EGFR: variants seen among roughly 807,000 people sequenced by gnomAD.
EGFR encodes the protein epidermal growth factor receptor, also known as avian erythroblastic leukemia viral (v-erb-b) oncogene homolog.
A neutral mutation model predicts 143.0 loss-of-function variants in EGFR; 58 were observed. The ratio of observed to expected loss-of-function variants is 0.41; its 90% CI spans 0.33 to 0.50. The LOEUF is 0.50. Among genes scored for constraint, EGFR ranks in the 20% least tolerant of loss-of-function variants. EGFR has a pLI of 0.39. For missense variants in EGFR, 1,307 were observed against 1,579.0 expected, an observed-to-expected ratio of 0.83 and a Z score of 2.92; for synonymous variants, 613 against 594.4, an observed-to-expected ratio of 1.03 and a Z score of -0.45.
chr7:55,110,088 A>T (rs2128907162), intron 1 of EGFR: 1 of 390,060 alleles, frequency 2.6e-6, no homozygotes, highest in East Asian at 1.6e-4. Flanking sequence ...GGAGATTCCT[A>T]GGAATCTTAT....
At chr7:55,184,509 A>T (rs2128960598) in intron 20 of EGFR, among the ~76,000 whole-genome samples, 1 of 152,350 alleles carries the variant, frequency 6.6e-6, no homozygotes, top group South Asian at 2.1e-4. Flanking sequence ...AATAGTGTCC[A>T]TTACAGAGAA....
At chr7:55,188,246 C>T (rs1787229180) in intron 20 of EGFR, among the ~76,000 whole-genome samples, 1 of 152,198 alleles carries the variant, frequency 6.6e-6, no homozygotes, top group African/African-American at 2.4e-5. Flanking sequence ...GCTCCATGAG[C>T]TCTTCCACAG....
At chr7:55,081,233 T>A (rs1462808867) in intron 1 of EGFR, among the ~76,000 whole-genome samples, 1 of 152,212 alleles carries the variant, frequency 6.6e-6, no homozygotes, top group Non-Finnish European at 1.5e-5. Context: ...CAATTATCAA[T>A]CATGGACTTT....
intron 1 of EGFR, among the ~76,000 whole-genome samples, chr7:55,087,292 A>AAT (rs1554327602): frequency 6.6e-6 from 1 of 151,652 alleles, no homozygotes; most frequent in African/African-American, 2.4e-5. Flanking sequence ...AACAAAAAAA[A>AAT]AAAAACCTGT....
intron 1 of EGFR, among the ~76,000 whole-genome samples, chr7:55,116,118 G>A (rs1269735412): frequency 6.6e-6 from 1 of 152,146 alleles, no homozygotes; most frequent in Non-Finnish European, 1.5e-5. Flanking sequence ...GCTGGGAATC[G>A]AAAGATTCTC....
At chr7:55,197,937 C>G (rs1787686411) in intron 22 of EGFR, among the ~76,000 whole-genome samples, 2 of 152,176 alleles carry the variant, frequency 1.3e-5, no homozygotes, top group African/African-American at 2.4e-5. Flanking sequence ...CTATGTTCAT[C>G]AGAGATATTG....
At chr7:55,088,852 C>A (rs1328591354) in intron 1 of EGFR, among the ~76,000 whole-genome samples, 1 of 152,212 alleles carries the variant, frequency 6.6e-6, no homozygotes. Flanking sequence ...TGCCTCATCT[C>A]CCACGCCCTC....
chr7:55,136,529 A>T (rs1794152957), intron 1 of EGFR, among the ~76,000 whole-genome samples: 1 of 152,198 alleles, frequency 6.6e-6, no homozygotes, highest in Admixed American at 6.5e-5. Flanking sequence ...TGCATTTCAT[A>T]CCAGTAGGTC....
At position 55,019,334 on chromosome 7, in the gene EGFR, C is replaced by G; in HGVS notation, c.57C>G (p.Cys19Trp). Residue 19 changes from cysteine to tryptophan, a missense_variant, in exon 1 of 28, where the codon TGC (cysteine) becomes TGG (tryptophan). Coordinates refer to ENST00000275493, the MANE Select transcript of EGFR (RefSeq NM_005228.5). ...TCCTGGCGCTGCTGGCTGCGCTCTGCCCGGCGAGTCGGGCTCTGGAGGAAA... is the reference window on the plus strand; with the variant it reads ...TCCTGGCGCTGCTGGCTGCGCTCTGGCCGGCGAGTCGGGCTCTGGAGGAAA... ...AALLALLAAL[C>W]PASRALEEKK... 1 of 1,519,588 alleles carries G rather than the reference C, an allele frequency of 6.6e-7. No individual in the cohort carries two copies. The highest frequency in any genetic ancestry group is 8.9e-7 in the Non-Finnish European group (1 of 1,129,354). The allele number at this position is 1,519,588 out of a possible 1,614,324, so 94.1% of individuals were successfully genotyped here. A position where few individuals can be genotyped will look rare whatever the true frequency, so the allele number is the denominator to read the frequency against.
chr7:55,171,297 G>C lies in EGFR; in HGVS notation c.1919+84G>C, dbSNP rs2128951536. On this transcript the variant is annotated intron_variant, in intron 16 of 27. Transcript: ENST00000275493. ...GGTGAAGATGCTTTCCTGCATTTCT[G>C]ACTGTCCTCTGTCCTGATCAAGTTT... is the stretch of plus-strand genomic sequence containing the variant. 5 of 1,569,626 alleles carry C rather than the reference G, an allele frequency of 3.2e-6. No homozygotes were observed. The South Asian group carries it at 5.6e-5, about 17-fold the overall frequency.
rs371327565 is a variant in EGFR at position 55,183,558 on chromosome 7, G to C, written c.2469+2080G>C. On this transcript the variant is annotated intron_variant, in intron 20 of 27. Transcript: ENST00000275493. Reference sequence around the variant, plus strand: ...GTCTTGGGGAGGGGGTGGTCAGCCTGGGGCAGATGTTGCTGGGTGTGGAGC... The same window carrying C: ...GTCTTGGGGAGGGGGTGGTCAGCCTCGGGCAGATGTTGCTGGGTGTGGAGC... Among the ~76,000 whole-genome samples, 5 of 152,164 alleles carry C rather than the reference G, an allele frequency of 3.3e-5. No homozygotes were observed. In the East Asian group the frequency reaches 7.7e-4, roughly 23 times the overall value.
chr7:55,047,294 C>T (rs567643289), intron 1 of EGFR, among the ~76,000 whole-genome samples: 3 of 152,242 alleles, frequency 2.0e-5, no homozygotes, highest in East Asian at 1.9e-4. Context: ...ACCTAGTACA[C>T]GAATTTCAGT....
At chr7:55,164,352 CA>C (rs1270886387) in intron 14 of EGFR, among the ~76,000 whole-genome samples, 1 of 152,170 alleles carries the variant, frequency 6.6e-6, no homozygotes, top group Non-Finnish European at 1.5e-5. Context: ...TGTTAATTCT[CA>C]ATGTTATTAT....
At chr7:55,030,311 T>C (rs1413983800) in intron 1 of EGFR, among the ~76,000 whole-genome samples, 1 of 152,238 alleles carries the variant, frequency 6.6e-6, no homozygotes, top group East Asian at 1.9e-4. Flanking sequence ...TTACTAATGC[T>C]TAATGTCCCT....
At chr7:55,029,626 T>C (rs1175993936) in intron 1 of EGFR, among the ~76,000 whole-genome samples, 1 of 152,226 alleles carries the variant, frequency 6.6e-6, no homozygotes, top group Non-Finnish European at 1.5e-5. Flanking sequence ...CACTCAGTAT[T>C]CATGGTTATA....
At chr7:55,073,840 C>T (rs1424289545) in intron 1 of EGFR, among the ~76,000 whole-genome samples, 1 of 152,210 alleles carries the variant, frequency 6.6e-6, no homozygotes, top group Non-Finnish European at 1.5e-5. Context: ...CAAGCCTTCT[C>T]AACATATATT....
chr7:55,115,441 G>A (rs372168281), intron 1 of EGFR, among the ~76,000 whole-genome samples: 5 of 152,234 alleles, frequency 3.3e-5, no homozygotes, highest in East Asian at 3.9e-4. Flanking sequence ...TCATGAGTTC[G>A]TTTTAACATA....
intron 1 of EGFR, among the ~76,000 whole-genome samples, chr7:55,030,952 C>T (rs188787487): frequency 6.6e-6 from 1 of 151,990 alleles, no homozygotes; most frequent in African/African-American, 2.4e-5. Context: ...CGGTGATGTG[C>T]CTCTCCCAGA....
At chr7:55,073,717 C>T (rs913953691) in intron 1 of EGFR, among the ~76,000 whole-genome samples, 3 of 152,194 alleles carry the variant, frequency 2.0e-5, no homozygotes, top group African/African-American at 4.8e-5. Context: ...CCCTGAATCT[C>T]GTTCCTGTTC....
Sources: gnomAD v4.1 joint callset for allele counts (sites outside exome capture counted in the v4.1 genomes callset) on GRCh38, gnomAD v4.1.1 for gene constraint, MANE v1.5 for transcripts, NCBI Gene and HGNC (gene_info 2026-07-23, HGNC 2026-07-21) for gene names.